SRGAP1: variants seen among roughly 807,000 people sequenced by gnomAD.
The protein encoded by SRGAP1 is SLIT-ROBO Rho GTPase activating protein 1.
SRGAP1 carries 43 observed loss-of-function variants against 121.9 expected under a neutral mutation model. That is an observed-to-expected ratio of 0.35 (90% CI 0.28 to 0.46). The LOEUF is 0.46. Among genes scored for constraint, SRGAP1 ranks in the 20% least tolerant of loss-of-function variants. SRGAP1 has a pLI of 1.00. For missense variants in SRGAP1, 1,102 were observed against 1,350.9 expected (o/e 0.82, Z 2.89); for synonymous variants, 447 against 485.4 (o/e 0.92, Z 1.04).
At chr12:63,882,068 G>C (rs1026656504) in intron 1 of SRGAP1, among the ~76,000 whole-genome samples, 8 of 152,096 alleles carry the variant, frequency 5.3e-5, no homozygotes, top group Admixed American at 2.0e-4. Flanking sequence ...GCAAATATTA[G>C]GTTGGTGCAA....
chr12:64,015,873 A>AT (rs1226956567), intron 3 of SRGAP1, among the ~76,000 whole-genome samples: 1 of 151,764 alleles, frequency 6.6e-6, no homozygotes, highest in African/African-American at 2.4e-5. Context: ...TTTTTTTTCC[A>AT]TTTTCTGTAG....
chr12:64,091,207 G>A lies in SRGAP1; in HGVS notation c.1437-69G>A, dbSNP rs1030136049. ...GATTCCCGTGTTTTGTAATATTGAT[G>A]TGACCTATAGATGTTTCATTTATTG... On this transcript the variant is annotated intron_variant, in intron 11 of 21. Coordinates refer to ENST00000355086, the MANE Select transcript of SRGAP1 (RefSeq NM_020762.4). 14 of 1,109,856 alleles carry A rather than the reference G, an allele frequency of 1.3e-5. No individual in the cohort carries two copies. The East Asian group carries it at 1.6e-4, about 13-fold the overall frequency. 68.8% of individuals were successfully genotyped at this position (1,109,856 alleles called of 1,614,324 possible).
chr12:64,137,363 C>T (rs947128162), intron 21 of SRGAP1, among the ~76,000 whole-genome samples: 1 of 151,942 alleles, frequency 6.6e-6, no homozygotes, highest in African/African-American at 2.4e-5. Flanking sequence ...AAAAAAAAAT[C>T]CATATGTTTA....
At position 63,973,893 on chromosome 12, in the gene SRGAP1, T is replaced by C. The variant is rs761705119; in HGVS notation, c.68-10054T>C. Among the ~76,000 whole-genome samples, 3 of 152,356 alleles carry C rather than the reference T, an allele frequency of 2.0e-5. No individual in the cohort carries two copies. In the East Asian group the frequency reaches 5.8e-4, roughly 29 times the overall value. The stretch of plus-strand genomic sequence containing the variant: ...TGTATCAGGAAAGAATGTCAATGTT[T>C]GGCAAATGCCTTGAACCTTTGTCAG... On this transcript the variant is annotated intron_variant, in intron 1 of 21. Transcript: ENST00000355086.
At chr12:63,904,204 C>T (rs376778851) in intron 1 of SRGAP1, among the ~76,000 whole-genome samples, 4 of 152,080 alleles carry the variant, frequency 2.6e-5, no homozygotes, top group African/African-American at 9.6e-5. Context: ...TAATACAACT[C>T]CCCAAGTTTT....
At chr12:63,938,140 G>T (rs1007992337) in intron 1 of SRGAP1, among the ~76,000 whole-genome samples, 1 of 152,212 alleles carries the variant, frequency 6.6e-6, no homozygotes, top group Non-Finnish European at 1.5e-5. Flanking sequence ...AAGGGCCCAG[G>T]GCAAGGGAGA....
In SRGAP1 at chr12:64,153,452, G is replaced by A. The variant is rs542711721; in HGVS notation, c.*10780G>A. 7 of 150,194 alleles carry A rather than the reference G, an allele frequency of 4.7e-5. No individual in the cohort carries two copies. The highest frequency in any genetic ancestry group is 2.0e-4 in the East Asian group (1 of 5,120). The allele number at this position is 150,194 out of a possible 1,614,324, so 9.3% of individuals were successfully genotyped here. ...TGTGCCACTGCACTACAGCCTGGGC[G>A]GCACAGTGAGACTCCATCTCAAAAA... On this transcript the variant is annotated 3_prime_UTR_variant, in exon 22 of 22. Coordinates refer to ENST00000355086, the MANE Select transcript of SRGAP1 (RefSeq NM_020762.4).
chr12:64,013,583 A>G (rs1411611458), intron 3 of SRGAP1, among the ~76,000 whole-genome samples: 1 of 152,192 alleles, frequency 6.6e-6, no homozygotes, highest in Admixed American at 6.6e-5. Context: ...ACCTACTGAA[A>G]GGAACTCCAC....
chr12:63,921,735 A>C (rs998956689), intron 1 of SRGAP1, among the ~76,000 whole-genome samples: 6 of 152,242 alleles, frequency 3.9e-5, no homozygotes, highest in East Asian at 1.9e-4. Flanking sequence ...ATCTGTGATC[A>C]TGCCTGGTAC....
At chr12:64,017,645 ACT>A (rs2034437856) in intron 4 of SRGAP1, among the ~76,000 whole-genome samples, 1 of 148,770 alleles carries the variant, frequency 6.7e-6, no homozygotes, top group Non-Finnish European at 1.5e-5. Flanking sequence ...ACAGAGTGAG[ACT>A]CTATCTCAAA....
chr12:64,076,875 C>T (rs2035747977), intron 8 of SRGAP1, among the ~76,000 whole-genome samples: 1 of 152,056 alleles, frequency 6.6e-6, no homozygotes, highest in Admixed American at 6.6e-5. Context: ...AACTCCTGAC[C>T]TCAAGCGATC....
chr12:63,937,316 G>A (rs945039786), intron 1 of SRGAP1, among the ~76,000 whole-genome samples: 7 of 152,142 alleles, frequency 4.6e-5, no homozygotes, highest in African/African-American at 1.4e-4. Flanking sequence ...AGAGAGGCAG[G>A]TCTTTAAAAG....
At chr12:64,101,901 G>T (rs1431861076) in intron 15 of SRGAP1, among the ~76,000 whole-genome samples, 2 of 152,178 alleles carry the variant, frequency 1.3e-5, no homozygotes, top group Admixed American at 6.5e-5. Flanking sequence ...TCTTAAGGGA[G>T]AATTTTTCTT....
chr12:64,087,111 C>T (rs1003044108), intron 11 of SRGAP1, 85 bp downstream of exon 11: 3 of 1,085,428 alleles, frequency 2.8e-6, no homozygotes, highest in African/African-American at 1.6e-5. Flanking sequence ...AAAGAATTAA[C>T]ATTTTGTTAA....
chr12:64,111,924 C>T lies in SRGAP1; in HGVS notation c.2082C>T (p.Phe694=). ...KTIIIHHETI[F]PDAKELDGPV... is the part of the protein sequence containing the mutation. ...TCATCATCCACCATGAGACTATTTT[C>T]CCAGATGCTAAAGAGCTGGATGGCC... Residue 694 remains phenylalanine, a synonymous_variant, in exon 17 of 22, where the codon TTC becomes TTT. Transcript: ENST00000355086. The T allele has an allele frequency of 6.2e-7, 1 of 1,613,962 alleles. No individual in the cohort carries two copies. Among genetic ancestry groups the T allele is most frequent in the East Asian group, 2.2e-5 (1 of 44,858 alleles).
chr12:64,113,773 C>G (rs998411191), intron 17 of SRGAP1, among the ~76,000 whole-genome samples: 2 of 152,164 alleles, frequency 1.3e-5, no homozygotes, highest in African/African-American at 4.8e-5. Flanking sequence ...GGCCAAGGAG[C>G]CTTCCAATGA....
chr12:64,051,650 T>C (rs2035241459), intron 6 of SRGAP1, among the ~76,000 whole-genome samples: 1 of 152,230 alleles, frequency 6.6e-6, no homozygotes, highest in Non-Finnish European at 1.5e-5. Flanking sequence ...TTGTCTTTTC[T>C]ATATATTTAG....
At position 64,091,262 on chromosome 12, in the gene SRGAP1, T is replaced by A. The variant is rs760762497; in HGVS notation, c.1437-14T>A. 1.3e-6 allele frequency: 2 copies of A among 1,548,362 alleles called. No homozygotes were observed. The highest frequency in any genetic ancestry group is 2.7e-5 in the African/African-American group (2 of 73,104). ...ATTTCTGCCATGCTCAGTAATTATA[T>A]TCCCTTCCCTTAGGCCTCCAAATGT... On this transcript the variant is annotated splice_polypyrimidine_tract_variant and intron_variant, in intron 11 of 21. Coordinates refer to ENST00000355086, the MANE Select transcript of SRGAP1 (RefSeq NM_020762.4).
chr12:63,980,483 A>C (rs1297602570), intron 1 of SRGAP1, among the ~76,000 whole-genome samples: 3 of 152,190 alleles, frequency 2.0e-5, no homozygotes, highest in Non-Finnish European at 4.4e-5. Flanking sequence ...TAGTGAAGTC[A>C]TATTAGGATA....
Sources: allele counts gnomAD v4.1 joint callset (sites outside exome capture counted in the v4.1 genomes callset), GRCh38; gene constraint gnomAD v4.1.1; transcripts MANE v1.5; gene names NCBI Gene and HGNC (gene_info 2026-07-23, HGNC 2026-07-21).